SLC9A9: variants seen among roughly 807,000 people sequenced by gnomAD.
SLC9A9 encodes sodium/hydrogen exchanger 9.
SLC9A9 carries 62 observed loss-of-function variants against 77.8 expected under a neutral mutation model. That is an observed-to-expected ratio of 0.80 (90% CI 0.65 to 0.98). The LOEUF is 0.98. Ranked by LOEUF, SLC9A9 falls within the 50% of genes least tolerant of loss-of-function variation. SLC9A9 has a pLI of 0.00. For missense variants in SLC9A9, 775 were observed against 774.9 expected, an observed-to-expected ratio of 1.00 and a Z score of 0.00; for synonymous variants, 320 against 283.5, an observed-to-expected ratio of 1.13 and a Z score of -1.29.
intron 9 of SLC9A9, chr3:143,517,964 A>C: frequency 2.1e-6 from 3 of 1,460,476 alleles, no homozygotes; most frequent in South Asian, 1.1e-5. Context: ...GTCTGGTTCA[A>C]TCACACCTTC....
intron 3 of SLC9A9, among the ~76,000 whole-genome samples, chr3:143,796,579 A>C (rs2008390577): frequency 6.6e-6 from 1 of 152,338 alleles, no homozygotes; most frequent in Middle Eastern, 3.4e-3. Flanking sequence ...CTTAAAGAAC[A>C]TCTCGATTCA....
At chr3:143,375,596 T>A (rs1338674446) in intron 13 of SLC9A9, among the ~76,000 whole-genome samples, 1 of 152,162 alleles carries the variant, frequency 6.6e-6, no homozygotes, top group Non-Finnish European at 1.5e-5. Context: ...AAGTCATCCC[T>A]ATTAAGGTTA....
At chr3:143,388,353 T>C (rs1193891057) in intron 12 of SLC9A9, among the ~76,000 whole-genome samples, 1 of 152,220 alleles carries the variant, frequency 6.6e-6, no homozygotes, top group Non-Finnish European at 1.5e-5. Context: ...CTCAGTTCAT[T>C]TTGTTATTTA....
chr3:143,371,714 T>C (rs180692702), intron 13 of SLC9A9, among the ~76,000 whole-genome samples: 105 of 152,198 alleles, frequency 6.9e-4, no homozygotes, highest in African/African-American at 2.3e-3. Context: ...AAAATGGAAA[T>C]TCTAGAATCA....
At chr3:143,550,283 C>T (rs888775430) in intron 9 of SLC9A9, among the ~76,000 whole-genome samples, 3 of 152,160 alleles carry the variant, frequency 2.0e-5, no homozygotes, top group African/African-American at 7.2e-5. Flanking sequence ...CATCAGATGT[C>T]CTCAGCATCA....
chr3:143,491,892 C>A (rs1243460522), intron 11 of SLC9A9, among the ~76,000 whole-genome samples: 5 of 152,130 alleles, frequency 3.3e-5, no homozygotes, highest in Non-Finnish European at 7.4e-5. Flanking sequence ...TGAAAAAATG[C>A]AACCCAATGC....
At chr3:143,477,052 T>C (rs760497794) in intron 11 of SLC9A9, among the ~76,000 whole-genome samples, 1 of 152,228 alleles carries the variant, frequency 6.6e-6, no homozygotes, top group African/African-American at 2.4e-5. Flanking sequence ...TTGGCAAATA[T>C]GGCTATCTAT....
chr3:143,495,609 T>A (rs1437738476), intron 9 of SLC9A9, among the ~76,000 whole-genome samples, 161 bp from the exon 10 acceptor site: 2 of 152,180 alleles, frequency 1.3e-5, no homozygotes, highest in Non-Finnish European at 2.9e-5. Context: ...AGGCCCTGGC[T>A]CTTGACCCAG....
intron 13 of SLC9A9, among the ~76,000 whole-genome samples, chr3:143,372,196 C>T (rs1349885292): frequency 6.6e-6 from 1 of 152,092 alleles, no homozygotes; most frequent in Admixed American, 6.5e-5. Context: ...CCGTTTTTCA[C>T]AGAATTAGAA....
At chr3:143,760,730 T>C (rs888086171) in intron 4 of SLC9A9, among the ~76,000 whole-genome samples, 2 of 152,312 alleles carry the variant, frequency 1.3e-5, no homozygotes, top group African/African-American at 2.4e-5. Flanking sequence ...TGCTCACGAA[T>C]AGGAATCATC....
intron 11 of SLC9A9, among the ~76,000 whole-genome samples, chr3:143,474,698 G>C (rs2035439018): frequency 6.6e-6 from 1 of 151,984 alleles, no homozygotes; most frequent in African/African-American, 2.4e-5. Flanking sequence ...TGAGTGATTA[G>C]ATATGAGTGT....
chr3:143,327,141 C>G (rs1375393921), intron 14 of SLC9A9, among the ~76,000 whole-genome samples: 2 of 152,074 alleles, frequency 1.3e-5, no homozygotes, highest in Non-Finnish European at 2.9e-5. Flanking sequence ...ACTTGTAGAG[C>G]CTCTTTCAAA....
At chr3:143,448,692 C>A (rs956167041) in intron 12 of SLC9A9, among the ~76,000 whole-genome samples, 1 of 150,334 alleles carries the variant, frequency 6.7e-6, no homozygotes, top group Non-Finnish European at 1.5e-5. Context: ...TTTTAAGAAT[C>A]TATCCTAAGA....
At chr3:143,636,182 A>G (rs2038517233) in intron 6 of SLC9A9, among the ~76,000 whole-genome samples, 2 of 152,180 alleles carry the variant, frequency 1.3e-5, no homozygotes, top group Admixed American at 6.5e-5. Flanking sequence ...GTCCTTTACT[A>G]AAGTTAAAAT....
At chr3:143,497,538 G>A (rs1021224366) in intron 9 of SLC9A9, among the ~76,000 whole-genome samples, 2 of 152,206 alleles carry the variant, frequency 1.3e-5, no homozygotes, top group African/African-American at 4.8e-5. Flanking sequence ...TTCACAGGAT[G>A]AGAAATCAGA....
At chr3:143,783,955 T>G (rs775362377) in intron 4 of SLC9A9, among the ~76,000 whole-genome samples, 12 of 152,140 alleles carry the variant, frequency 7.9e-5, no homozygotes, top group Non-Finnish European at 1.8e-4. Context: ...TCCCCAAAGC[T>G]CTATCCTTTC....
chr3:143,699,953 G>A (rs1235103764), intron 4 of SLC9A9, among the ~76,000 whole-genome samples: 1 of 151,732 alleles, frequency 6.6e-6, no homozygotes, highest in Non-Finnish European at 1.5e-5. Flanking sequence ...AGAGGAGAGA[G>A]AAGAGTAAGG....
chr3:143,449,975 A>G (rs1275407920), intron 12 of SLC9A9, among the ~76,000 whole-genome samples: 3 of 81,482 alleles, frequency 3.7e-5, no homozygotes, highest in Non-Finnish European at 6.3e-5. Context: ...TATATAATAT[A>G]TATTATATGT....
chr3:143,798,413 T>C (rs979522425), intron 2 of SLC9A9, among the ~76,000 whole-genome samples: 1 of 152,136 alleles, frequency 6.6e-6, no homozygotes, highest in Non-Finnish European at 1.5e-5. Flanking sequence ...GGCAAGTCAA[T>C]TGCGGGGACG....
Sources: gnomAD v4.1 joint callset for allele counts (sites outside exome capture counted in the v4.1 genomes callset) on GRCh38, gnomAD v4.1.1 for gene constraint, MANE v1.5 for transcripts, NCBI Gene and HGNC (gene_info 2026-07-23, HGNC 2026-07-21) for gene names.